The following TTC9C variants were observed in gnomAD, a reference collection of about 807,000 sequenced individuals.
TTC9C encodes tetratricopeptide repeat domain 9C.
Under a neutral mutation model 22.5 loss-of-function variants are expected in TTC9C, and 15 were observed. The ratio of observed to expected loss-of-function variants is 0.67; its 90% CI spans 0.45 to 1.03. TTC9C has a LOEUF of 1.03. Among genes scored for constraint, TTC9C ranks in the 50% least tolerant of loss-of-function variants. TTC9C has a pLI of 0.00. For synonymous variants in TTC9C, 92 were observed against 86.8 expected, an observed-to-expected ratio of 1.06 and a Z score of -0.33; for missense variants, 244 against 214.6, an observed-to-expected ratio of 1.14 and a Z score of -0.86.
upstream of TTC9C, chr11:62,728,125 T>C (rs1451776340): frequency 1.9e-5 from 3 of 159,956 alleles, no homozygotes; most frequent in East Asian, 3.8e-4. Context: ...GATTGGGTGG[T>C]GTGGCGCAAT....
chr11:62,728,321 T>G, upstream of TTC9C: 2 of 359,324 alleles, frequency 5.6e-6, no homozygotes, highest in Non-Finnish European at 5.5e-6. Context: ...TCGCTGGTGG[T>G]TCACCTCGGC....
upstream of TTC9C, chr11:62,728,453 G>C (rs889546194): frequency 4.3e-6 from 2 of 463,914 alleles, no homozygotes; most frequent in Middle Eastern, 3.2e-4. Flanking sequence ...TTCCAGGTCG[G>C]GGGGGGGCGG....
chr11:62,736,895 T>C (rs2083919461), intron 2 of TTC9C, among the ~76,000 whole-genome samples: 1 of 149,746 alleles, frequency 6.7e-6, no homozygotes, highest in Non-Finnish European at 1.5e-5. Flanking sequence ...GTTCTGTTCC[T>C]GGTCTTTAAG....
At chr11:62,736,820 C>G (rs1471268671) in intron 2 of TTC9C, among the ~76,000 whole-genome samples, 1 of 150,834 alleles carries the variant, frequency 6.6e-6, no homozygotes, top group African/African-American at 2.4e-5. Context: ...TTGTGTCGCA[C>G]TCTAGCCTGG....
chr11:62,737,215 A>G (rs568336643), intron 2 of TTC9C, among the ~76,000 whole-genome samples: 1 of 152,274 alleles, frequency 6.6e-6, no homozygotes, highest in Admixed American at 6.6e-5. Context: ...AAAACAAAAC[A>G]AAACAAAAAA....
intron 1 of TTC9C, among the ~76,000 whole-genome samples, chr11:62,730,941 T>G (rs2083841848): frequency 1.3e-5 from 2 of 151,762 alleles, no homozygotes. Flanking sequence ...CAGGCTGGAG[T>G]GCAGTGGCGT....
chr11:62,735,450 C>G lies in TTC9C; in HGVS notation c.307C>G (p.Arg103Gly), dbSNP rs150104999. The G allele has an allele frequency of 6.2e-7, 1 of 1,614,112 alleles. No individual in the cohort carries two copies. The highest frequency in any genetic ancestry group is 1.1e-5 in the South Asian group (1 of 91,084). Residue 103 changes from arginine (R) to glycine (G), a missense_variant, in exon 2 of 3, where the codon CGA becomes GGA. Coordinates refer to ENST00000316461, the MANE Select transcript of TTC9C (RefSeq NM_173810.4). The stretch of plus-strand genomic sequence containing the variant: ...AGAATATAGTCAGAAAGTCCTGGAA[C>G]GACAGCCTGATAATGCCAAGGCCTT... ...VREYSQKVLE[R>G]QPDNAKALYR...
At chr11:62,731,086 G>A (rs1169227979) in intron 1 of TTC9C, among the ~76,000 whole-genome samples, 2 of 146,362 alleles carry the variant, frequency 1.4e-5, no homozygotes, top group East Asian at 4.2e-4. Context: ...ACGGGGTTTT[G>A]CCATGTTGGC....
At chr11:62,736,934 A>G (rs193257116) in intron 2 of TTC9C, among the ~76,000 whole-genome samples, 1 of 151,340 alleles carries the variant, frequency 6.6e-6, no homozygotes, top group East Asian at 1.9e-4. Flanking sequence ...ATGGTGGCTT[A>G]TGCCTGTAAT....
At chr11:62,736,535 A>G (rs1352865750) in intron 2 of TTC9C, among the ~76,000 whole-genome samples, 1 of 151,798 alleles carries the variant, frequency 6.6e-6, no homozygotes, top group East Asian at 1.9e-4. Flanking sequence ...TCTATTAAAA[A>G]TACAAAAAAT....
At position 62,729,041 on chromosome 11, in the gene TTC9C, A is replaced by C; in HGVS notation, c.193A>C (p.Asn65His). The change falls in exon 1 of 3, where the codon AAC (asparagine) becomes CAC (histidine). Residue 65 changes from asparagine to histidine, a missense_variant. Physicochemically the swap from Asn to His is moderately conservative, Grantham distance 68. Transcript: ENST00000316461. ...QGPALTPEQE[N>H]ILHTTQTDCY... ...CCCGGCCCTCACGCCTGAACAAGAA[A>C]ACATATTGCATACCACCCAGACAGA... 1 of 1,614,150 alleles carries C rather than the reference A, an allele frequency of 6.2e-7. No homozygotes were observed. Among genetic ancestry groups the C allele is most frequent in the Non-Finnish European group, 8.5e-7 (1 of 1,180,030 alleles).
chr11:62,733,948 C>T (rs532031790), intron 1 of TTC9C, among the ~76,000 whole-genome samples: 1 of 151,886 alleles, frequency 6.6e-6, no homozygotes, highest in Non-Finnish European at 1.5e-5. Flanking sequence ...GCCAAGATCA[C>T]GCTACTGCAC....
At chr11:62,737,476 T>C (rs2083925426) in intron 2 of TTC9C, among the ~76,000 whole-genome samples, 1 of 152,182 alleles carries the variant, frequency 6.6e-6, no homozygotes, top group African/African-American at 2.4e-5. Context: ...GGTTGAGCAC[T>C]GAAAATTGTC....
Position 62,738,488 on chromosome 11 carries a change from C to T in TTC9C, c.*106C>T. 1.4e-6 allele frequency: 1 copy of T among 739,790 alleles called. No individual in the cohort carries two copies. Among genetic ancestry groups the T allele is most frequent in the Non-Finnish European group, 2.2e-6 (1 of 453,186 alleles). 45.8% of individuals were successfully genotyped at this position (739,790 alleles called of 1,614,324 possible). On this transcript the variant is annotated 3_prime_UTR_variant, in exon 3 of 3. Transcript: ENST00000316461. ...AGAAATTAACCCTATACCTCTGACCCAGGTGGATTTTTGTTTCTAGTTCTG... is the reference window on the plus strand; with the variant it reads ...AGAAATTAACCCTATACCTCTGACCTAGGTGGATTTTTGTTTCTAGTTCTG...
At chr11:62,729,131 A>G in intron 1 of TTC9C, 45 bp downstream of exon 1, 2 of 1,548,750 alleles carry the variant, frequency 1.3e-6, no homozygotes, top group South Asian at 1.1e-5. Context: ...TAAGACAGGA[A>G]CATGAACATC....
At chr11:62,731,826 C>T (rs1254237432) in intron 1 of TTC9C, among the ~76,000 whole-genome samples, 1 of 151,044 alleles carries the variant, frequency 6.6e-6, no homozygotes, top group Non-Finnish European at 1.5e-5. Context: ...GGACTACAGG[C>T]GCCCACCACC....
upstream of TTC9C, chr11:62,728,165 C>A (rs957324164): frequency 4.2e-6 from 1 of 237,546 alleles, no homozygotes; most frequent in Admixed American, 5.3e-5. Flanking sequence ...CCAAACTGTA[C>A]GCATCTCTGA....
Position 62,735,475 on chromosome 11 carries a change from T to C in TTC9C, c.332T>C (p.Leu111Ser), listed in dbSNP as rs1240042847. ...LERQPDNAKA[L>S]YRAGVAFFHL... ...CGACAGCCTGATAATGCCAAGGCCT[T>C]GTATCGGGCCGGAGTGGCCTTTTTC... The change falls in exon 2 of 3, where the codon TTG becomes TCG. Residue 111 changes from leucine (L) to serine (S), a missense_variant. Transcript: ENST00000316461. 3 of 1,614,132 alleles carry C rather than the reference T, an allele frequency of 1.9e-6. No individual in the cohort carries two copies. Among genetic ancestry groups the C allele is most frequent in the Non-Finnish European group, 2.5e-6 (3 of 1,180,020 alleles).
At position 62,729,401 on chromosome 11, in the gene TTC9C, TA is replaced by T. The variant is rs1565169355; in HGVS notation, c.238+316del. 4.0e-3 allele frequency among the ~76,000 whole-genome samples: 564 copies of T among 139,970 alleles called. 1 individual carries two copies. Among genetic ancestry groups the T allele is most frequent in the South Asian group, 3.9e-3 (17 of 4,388 alleles). 91.8% of individuals were successfully genotyped at this position (139,970 alleles called of 152,430 possible). A position where few individuals can be genotyped will look rare whatever the true frequency, so the allele number is the denominator to read the frequency against. ...TATTTTATTTTATTTTATTTTATTT[TA>T]TTTTATTTTTTTTTGAGATGGAGTC... On this transcript the variant is annotated intron_variant, in intron 1 of 2. Transcript: ENST00000316461.
Sources: gnomAD v4.1 joint callset for allele counts (sites outside exome capture counted in the v4.1 genomes callset) on GRCh38, gnomAD v4.1.1 for gene constraint, MANE v1.5 for transcripts, NCBI Gene and HGNC (gene_info 2026-07-23, HGNC 2026-07-21) for gene names.